Variants in CCDC150 observed in about 807,000 individuals in gnomAD.
CCDC150 encodes the protein coiled-coil domain containing 150.
A neutral mutation model predicts 156.5 loss-of-function variants in CCDC150; 151 were observed. The ratio of observed to expected loss-of-function variants is 0.97; its 90% CI spans 0.85 to 1.10. CCDC150 has a LOEUF of 1.10. Ranked by LOEUF, CCDC150 falls within the 50% of genes least tolerant of loss-of-function variation. The pLI is 0.00. For synonymous variants in CCDC150, 452 were observed against 429.4 expected (o/e 1.05, Z -0.65); for missense variants, 1,312 against 1,268.1 (o/e 1.03, Z -0.53).
chr2:196,656,271 G>T (rs986594856), intron 2 of CCDC150, among the ~76,000 whole-genome samples: 3 of 152,186 alleles, frequency 2.0e-5, no homozygotes, highest in Admixed American at 6.5e-5. Flanking sequence ...GAGAGGATAG[G>T]TGTTGGGGAT....
intron 1 of CCDC150, among the ~76,000 whole-genome samples, chr2:196,645,679 G>T (rs763734797): frequency 6.6e-6 from 1 of 152,102 alleles, no homozygotes; most frequent in East Asian, 1.9e-4. Flanking sequence ...ATTGCGTTTT[G>T]GGGGAGGAGT....
chr2:196,701,466 C>A (rs1696202635), intron 15 of CCDC150, among the ~76,000 whole-genome samples: 1 of 152,160 alleles, frequency 6.6e-6, no homozygotes, highest in South Asian at 2.1e-4. Context: ...AAAGCCTATA[C>A]CTCTTTTTGC....
chr2:196,731,567 G>A (rs912849538), intron 26 of CCDC150, among the ~76,000 whole-genome samples: 1 of 151,174 alleles, frequency 6.6e-6, no homozygotes, highest in Non-Finnish European at 1.5e-5. Flanking sequence ...CTAATTTTTG[G>A]TAGAGATGAG....
At chr2:196,686,880 G>A (rs1160431745) in intron 13 of CCDC150, among the ~76,000 whole-genome samples, 1 of 152,136 alleles carries the variant, frequency 6.6e-6, no homozygotes, top group Non-Finnish European at 1.5e-5. Flanking sequence ...TTCTGTTCCA[G>A]TGTTAGTTTG....
chr2:196,639,968 G>A (rs529758645), intron 1 of CCDC150, among the ~76,000 whole-genome samples, 190 bp downstream of exon 1: 3 of 152,318 alleles, frequency 2.0e-5, no homozygotes, highest in Admixed American at 1.3e-4. Context: ...ATTTAGGAGC[G>A]AAGTTTGCAT....
At chr2:196,648,500 T>C (rs535187236) in intron 2 of CCDC150, among the ~76,000 whole-genome samples, 29 of 152,182 alleles carry the variant, frequency 1.9e-4, no homozygotes, top group Non-Finnish European at 4.1e-4. Flanking sequence ...TTCTTGTTAT[T>C]GAGTAGTTTG....
intron 13 of CCDC150, among the ~76,000 whole-genome samples, chr2:196,681,335 G>A (rs572890369): frequency 4.3e-4 from 66 of 152,014 alleles, no homozygotes; most frequent in African/African-American, 1.5e-3. Flanking sequence ...GTATGTGCAC[G>A]CACACACACA....
intron 15 of CCDC150, among the ~76,000 whole-genome samples, chr2:196,708,126 ATTGT>A (rs1696810188): frequency 6.6e-6 from 1 of 151,988 alleles, no homozygotes; most frequent in East Asian, 1.9e-4. Context: ...TCCCACTATT[ATTGT>A]GTGGGAGTCT....
At chr2:196,656,287 C>G (rs1230652252) in intron 2 of CCDC150, among the ~76,000 whole-genome samples, 2 of 152,136 alleles carry the variant, frequency 1.3e-5, no homozygotes, top group Non-Finnish European at 2.9e-5. Flanking sequence ...GGGATACCTT[C>G]TTAATTGGAT....
intron 5 of CCDC150, among the ~76,000 whole-genome samples, chr2:196,664,906 A>G (rs2125595180): frequency 6.6e-6 from 1 of 152,330 alleles, no homozygotes; most frequent in Non-Finnish European, 1.5e-5. Flanking sequence ...ACAATAGCAC[A>G]GTACCCAAAT....
chr2:196,727,132 G>A (rs1332700371), intron 22 of CCDC150: 2 of 152,216 alleles, frequency 1.3e-5, no homozygotes, highest in Non-Finnish European at 2.9e-5. Context: ...CAGGCCAGGC[G>A]AGGCGGCTCA....
intron 15 of CCDC150, among the ~76,000 whole-genome samples, chr2:196,707,345 G>A (rs958349018): frequency 6.6e-6 from 1 of 152,136 alleles, no homozygotes. Context: ...TGTGGGATAG[G>A]TAGTGATATC....
chr2:196,664,947 A>G (rs549724443), intron 5 of CCDC150, among the ~76,000 whole-genome samples: 3 of 152,208 alleles, frequency 2.0e-5, no homozygotes, highest in Non-Finnish European at 4.4e-5. Context: ...CTGCTACTTA[A>G]TGGTTACTTC....
chr2:196,690,623 A>G (rs1695402144), intron 13 of CCDC150, among the ~76,000 whole-genome samples: 1 of 151,664 alleles, frequency 6.6e-6, no homozygotes, highest in South Asian at 2.1e-4. Context: ...AAAAAAAAAA[A>G]GAGTTACAGG....
intron 6 of CCDC150, among the ~76,000 whole-genome samples, chr2:196,666,093 A>G (rs1173157579): frequency 6.6e-6 from 1 of 152,192 alleles, no homozygotes; most frequent in Non-Finnish European, 1.5e-5. Flanking sequence ...GTCTAAAGCG[A>G]TCTAACACTG....
intron 1 of CCDC150, among the ~76,000 whole-genome samples, chr2:196,640,410 G>A (rs1429994532): frequency 1.3e-5 from 2 of 152,100 alleles, no homozygotes; most frequent in Non-Finnish European, 2.9e-5. Context: ...GCGTGCTCAG[G>A]ACTAGGTCCT....
chr2:196,716,901 G>A (rs1232146724), intron 17 of CCDC150, among the ~76,000 whole-genome samples: 3 of 140,616 alleles, frequency 2.1e-5, no homozygotes, highest in African/African-American at 8.0e-5. Context: ...GTGTCGCCAG[G>A]CTGGAGTACA....
intron 14 of CCDC150, among the ~76,000 whole-genome samples, chr2:196,697,305 T>TG (rs933501342): frequency 5.3e-5 from 8 of 152,270 alleles, no homozygotes; most frequent in East Asian, 1.9e-4. Flanking sequence ...AGGGGTTTTT[T>TG]TTGTTGTTGT....
At chr2:196,692,224 T>C (rs1575851928) in intron 13 of CCDC150, among the ~76,000 whole-genome samples, 1 of 147,682 alleles carries the variant, frequency 6.8e-6, no homozygotes. Context: ...AAGCTCCGCT[T>C]CCCGGGTTCA....
Sources: gnomAD v4.1 joint callset for allele counts (sites outside exome capture counted in the v4.1 genomes callset) on GRCh38, gnomAD v4.1.1 for gene constraint, MANE v1.5 for transcripts, NCBI Gene and HGNC (gene_info 2026-07-23, HGNC 2026-07-21) for gene names.